The following ZNF618 variants were observed in gnomAD, a reference collection of about 807,000 sequenced individuals.
The protein encoded by ZNF618 is zinc finger protein 618.
Under a neutral mutation model 103.0 loss-of-function variants are expected in ZNF618, and 34 were observed. That is an observed-to-expected ratio of 0.33 (90% confidence interval 0.25 to 0.44). ZNF618 has a LOEUF of 0.44. Among genes scored for constraint, ZNF618 ranks in the 20% least tolerant of loss-of-function variants. The pLI is 1.00. For missense variants in ZNF618, 1,059 were observed against 1,295.4 expected (o/e 0.82, Z 2.80); for synonymous variants, 551 against 542.2 (o/e 1.02, Z -0.23).
chr9:113,907,483 C>G (rs556885775), intron 1 of ZNF618, among the ~76,000 whole-genome samples: 1 of 152,330 alleles, frequency 6.6e-6, no homozygotes, highest in East Asian at 1.9e-4. Flanking sequence ...TCTTGCCACC[C>G]CGGGCAGGGA....
chr9:113,954,898 C>T (rs1836117244), intron 1 of ZNF618, among the ~76,000 whole-genome samples: 1 of 152,200 alleles, frequency 6.6e-6, no homozygotes, highest in African/African-American at 2.4e-5. Context: ...GCCCTTCCCT[C>T]TATGGTCCAC....
At chr9:113,899,092 C>T (rs1025345920) in intron 1 of ZNF618, among the ~76,000 whole-genome samples, 17 of 151,932 alleles carry the variant, frequency 1.1e-4, no homozygotes, top group African/African-American at 3.9e-4. Context: ...CAGTAGGTGG[C>T]TTGTGCATGA....
At chr9:114,045,467 A>G (rs958138013) in intron 13 of ZNF618, among the ~76,000 whole-genome samples, 1 of 151,976 alleles carries the variant, frequency 6.6e-6, no homozygotes, top group Non-Finnish European at 1.5e-5. Context: ...CATTTGTTGA[A>G]AAGACTATTA....
intron 1 of ZNF618, among the ~76,000 whole-genome samples, chr9:113,946,616 A>AG (rs1212875102): frequency 6.6e-6 from 1 of 152,092 alleles, no homozygotes; most frequent in Admixed American, 6.5e-5. Context: ...AGTGCGAGGT[A>AG]GGGGGCAAGC....
rs565886497 is a variant in ZNF618 at position 113,885,867 on chromosome 9, G to A, written c.33+9454G>A. ...GATGGTATTGAGTCGACAAAAAAGT[G>A]ATATAAATATTTTGGCTGACAAAGC... On this transcript the variant is annotated intron_variant, in intron 1 of 14. Coordinates refer to ENST00000374126, the MANE Select transcript of ZNF618 (RefSeq NM_001318042.2). Among the ~76,000 whole-genome samples, 14 of 152,326 alleles carry A rather than the reference G, an allele frequency of 9.2e-5. No individual in the cohort carries two copies. In the South Asian group the frequency reaches 1.2e-3, roughly 14 times the overall value.
chr9:113,963,577 G>C (rs146514268), intron 1 of ZNF618, among the ~76,000 whole-genome samples: 2,024 of 152,222 alleles, frequency 0.013, 25 homozygotes, highest in Middle Eastern at 0.02. Flanking sequence ...CATCCACCCA[G>C]AGCCCAGCAG....
chr9:114,026,852 G>T (rs746791797), intron 10 of ZNF618, among the ~76,000 whole-genome samples: 5 of 152,164 alleles, frequency 3.3e-5, no homozygotes, highest in Admixed American at 1.3e-4. Context: ...GGTCATCCCA[G>T]TGTTGGTGGA....
intron 6 of ZNF618, among the ~76,000 whole-genome samples, chr9:114,004,014 A>G (rs1841496846): frequency 1.3e-5 from 2 of 152,276 alleles, no homozygotes; most frequent in African/African-American, 2.4e-5. Context: ...TCCCCGTTCT[A>G]TGGGTTTGTT....
At chr9:113,909,413 C>A (rs1249090766) in intron 1 of ZNF618, among the ~76,000 whole-genome samples, 1 of 152,088 alleles carries the variant, frequency 6.6e-6, no homozygotes, top group Non-Finnish European at 1.5e-5. Flanking sequence ...TGGCTTCAGA[C>A]CATGGCTGCG....
rs75102283 is a variant in ZNF618 at position 114,028,725 on chromosome 9, C to T, written c.845-8C>T. 1.2e-3 allele frequency: 1,894 copies of T among 1,548,458 alleles called. 23 individuals carry two copies. The African/African-American group carries it at 0.024, about 20-fold the overall frequency. Reference sequence around the variant, plus strand: ...GGCCCTCGGGGACTGAGAGCGTGACCCTCTCAGGTACTGCCCCCGGGTGGG... The same window carrying T: ...GGCCCTCGGGGACTGAGAGCGTGACTCTCTCAGGTACTGCCCCCGGGTGGG... On this transcript the variant is annotated splice_region_variant and splice_polypyrimidine_tract_variant and intron_variant, in intron 10 of 14. Transcript: ENST00000374126.
At chr9:113,966,042 T>G (rs1837378447) in intron 1 of ZNF618, among the ~76,000 whole-genome samples, 1 of 152,176 alleles carries the variant, frequency 6.6e-6, no homozygotes, top group African/African-American at 2.4e-5. Flanking sequence ...ATCTTATACA[T>G]ATCATTCTGT....
intron 1 of ZNF618, among the ~76,000 whole-genome samples, chr9:113,888,227 C>T (rs1829258613): frequency 6.6e-6 from 1 of 152,098 alleles, no homozygotes; most frequent in African/African-American, 2.4e-5. Context: ...AGTAACTTGC[C>T]CAGGATGTGG....
chr9:114,001,787 G>T (rs1391954281), intron 4 of ZNF618, among the ~76,000 whole-genome samples: 1 of 152,156 alleles, frequency 6.6e-6, no homozygotes, highest in Non-Finnish European at 1.5e-5. Context: ...ATGGGGGGGT[G>T]CCTTGCCCAA....
intron 3 of ZNF618, among the ~76,000 whole-genome samples, chr9:113,992,261 A>T (rs563014783): frequency 6.6e-6 from 1 of 152,036 alleles, no homozygotes; most frequent in Non-Finnish European, 1.5e-5. Context: ...GGTACCCATG[A>T]CCTCCTTATT....
chr9:113,951,538 C>CATGTACACATATGTGTAT, intron 1 of ZNF618, among the ~76,000 whole-genome samples: 1 of 54,324 alleles, frequency 1.8e-5, no homozygotes, highest in East Asian at 9.4e-4. Context: ...TATGTGTGTA[C>CATGTACACATATGTGTAT]ATATGTACAC....
At chr9:114,007,203 CAT>C (rs1166070917) in intron 6 of ZNF618, 145 bp from the exon 7 acceptor site, 2 of 675,664 alleles carry the variant, frequency 3.0e-6, no homozygotes, top group Non-Finnish European at 5.0e-6. Context: ...TCAGTTTCCT[CAT>C]GTGTAAAATG....
At chr9:114,044,152 AT>A (rs1300239596) in intron 13 of ZNF618, among the ~76,000 whole-genome samples, 1 of 152,042 alleles carries the variant, frequency 6.6e-6, no homozygotes, top group East Asian at 1.9e-4. Context: ...TTCTGATGTT[AT>A]CTTCTAGAAT....
chr9:113,940,950 C>T (rs78859913), intron 1 of ZNF618, among the ~76,000 whole-genome samples: 5,245 of 152,154 alleles, frequency 0.034, 99 homozygotes, highest in East Asian at 0.11. Context: ...CTTTCTGCCA[C>T]GTAATTTTGG....
chr9:113,933,879 G>A (rs1833817901), intron 1 of ZNF618, among the ~76,000 whole-genome samples: 1 of 152,074 alleles, frequency 6.6e-6, no homozygotes, highest in African/African-American at 2.4e-5. Context: ...ACAGGGTGGT[G>A]GATTGCAGCT....
Sources: allele counts gnomAD v4.1 joint callset (sites outside exome capture counted in the v4.1 genomes callset), GRCh38; gene constraint gnomAD v4.1.1; transcripts MANE v1.5; gene names NCBI Gene and HGNC (gene_info 2026-07-23, HGNC 2026-07-21).